CNTLN: variants seen among roughly 807,000 people sequenced by gnomAD.
CNTLN encodes centlein, centrosomal protein.
A neutral mutation model predicts 180.0 loss-of-function variants in CNTLN; 212 were observed. That is an observed-to-expected ratio of 1.18 (90% CI 1.05 to 1.32). CNTLN has a LOEUF of 1.32. Ranked by LOEUF, CNTLN falls within the 40% of genes most tolerant of loss-of-function variation. CNTLN has a pLI of 0.00. For synonymous variants in CNTLN, 722 were observed against 563.1 expected (o/e 1.28, Z -3.99); for missense variants, 2,095 against 1,610.9 (o/e 1.30, Z -5.14).
intron 15 of CNTLN, among the ~76,000 whole-genome samples, chr9:17,398,988 G>A (rs78556236): frequency 0.035 from 5,386 of 152,224 alleles, 162 homozygotes; most frequent in East Asian, 0.17. Context: ...TGAGCCTGGA[G>A]GTAGCACCAG....
At chr9:17,365,787 G>A (rs1292693432) in intron 12 of CNTLN, among the ~76,000 whole-genome samples, 1 of 151,960 alleles carries the variant, frequency 6.6e-6, no homozygotes. Context: ...AACCCTGATT[G>A]TACAAAAAAT....
chr9:17,298,168 A>G (rs1231504381), intron 6 of CNTLN, 22 bp from the exon 7 acceptor site: 3 of 1,412,840 alleles, frequency 2.1e-6, no homozygotes, highest in East Asian at 2.6e-5. Context: ...ACTTTTCTCT[A>G]TTTATTGCTT....
At position 17,226,305 on chromosome 9, in the gene CNTLN, A is replaced by G; in HGVS notation, c.534+18A>G. 1 of 1,355,686 alleles carries G rather than the reference A, an allele frequency of 7.4e-7. No individual in the cohort carries two copies. Among genetic ancestry groups the G allele is most frequent in the South Asian group, 1.4e-5 (1 of 69,230 alleles). 84.0% of individuals were successfully genotyped at this position (1,355,686 alleles called of 1,614,324 possible). A position where few individuals can be genotyped will look rare whatever the true frequency, so the allele number is the denominator to read the frequency against. ...TTGAACAGGTTGGTGTTATAATAAA[A>G]ATATTTAAATTAACTATATTTGTTT... On this transcript the variant is annotated intron_variant, in intron 3 of 25. Coordinates refer to ENST00000380647, the MANE Select transcript of CNTLN (RefSeq NM_017738.4).
chr9:17,383,943 C>T (rs1235520532), intron 13 of CNTLN, among the ~76,000 whole-genome samples: 2 of 152,106 alleles, frequency 1.3e-5, no homozygotes, highest in African/African-American at 4.8e-5. Context: ...CGGCCCGTAA[C>T]ATGAAATTTA....
intron 2 of CNTLN, among the ~76,000 whole-genome samples, chr9:17,207,460 T>C (rs1287433794): frequency 1.3e-5 from 2 of 152,130 alleles, no homozygotes; most frequent in Non-Finnish European, 2.9e-5. Context: ...AGCTTTGTGC[T>C]TGAGACCCAG....
In CNTLN at chr9:17,464,223, TAA is replaced by T. The variant is rs1490218793; in HGVS notation, c.3405-273_3405-272del. Reference sequence around the variant, plus strand: ...TAAATGAAATAGTTCTAAGTTTTCATAAGTGTTATTAATTTTTCTCATTTCTT... The same window carrying T: ...TAAATGAAATAGTTCTAAGTTTTCATGTGTTATTAATTTTTCTCATTTCTT... On this transcript the variant is annotated intron_variant, in intron 20 of 25. Transcript: ENST00000380647. Among the ~76,000 whole-genome samples the T allele has an allele frequency of 3.3e-5, 5 of 151,358 alleles. 1 individual carries two copies. Among genetic ancestry groups the T allele is most frequent in the Non-Finnish European group, 7.4e-5 (5 of 67,528 alleles).
At chr9:17,269,027 G>T (rs977722384) in intron 5 of CNTLN, among the ~76,000 whole-genome samples, 3 of 152,020 alleles carry the variant, frequency 2.0e-5, no homozygotes, top group Non-Finnish European at 4.4e-5. Flanking sequence ...CTAGCGCACG[G>T]TGCGCTGCAC....
At chr9:17,510,235 A>T in the CNTLN span, among the ~76,000 whole-genome samples, 1 of 152,174 alleles carries the variant, frequency 6.6e-6, no homozygotes, top group African/African-American at 2.4e-5. Context: ...GGAATAGGGA[A>T]TAAGTAGTTG....
intron 18 of CNTLN, among the ~76,000 whole-genome samples, chr9:17,429,843 A>G (rs1829311766): frequency 6.6e-6 from 1 of 151,996 alleles, no homozygotes; most frequent in Non-Finnish European, 1.5e-5. Context: ...TTTTTTCAAA[A>G]TTATATTAAA....
At chr9:17,251,890 C>G (rs115216293) in intron 5 of CNTLN, among the ~76,000 whole-genome samples, 3 of 151,792 alleles carry the variant, frequency 2.0e-5, no homozygotes, top group Non-Finnish European at 3.0e-5. Context: ...CATTCCCACT[C>G]TCCCACTTTC....
chr9:17,185,129 T>C (rs1478061652), intron 2 of CNTLN, among the ~76,000 whole-genome samples: 3 of 152,240 alleles, frequency 2.0e-5, no homozygotes, highest in Non-Finnish European at 2.9e-5. Context: ...TTTGGAATTC[T>C]AGAAATGAAA....
At chr9:17,497,761 C>T (rs1833535565) in intron 25 of CNTLN, among the ~76,000 whole-genome samples, 1 of 152,052 alleles carries the variant, frequency 6.6e-6, no homozygotes, top group Non-Finnish European at 1.5e-5. Flanking sequence ...AATTCAGTGC[C>T]AAATTTAAAT....
At position 17,419,772 on chromosome 9, in the gene CNTLN, A is replaced by G. The variant is rs567030808; in HGVS notation, c.3114+3583A>G. The stretch of plus-strand genomic sequence containing the variant: ...ATAAATAAAGCTAAATTTTTATTTA[A>G]TCATTATCTACAGCCCCATCCTCTT... On this transcript the variant is annotated intron_variant, in intron 18 of 25. Transcript: ENST00000380647. Among the ~76,000 whole-genome samples the G allele has an allele frequency of 1.2e-4, 19 of 152,330 alleles. No individual in the cohort carries two copies. In the East Asian group the frequency reaches 3.7e-3, roughly 29 times the overall value.
chr9:17,167,375 A>T (rs1820140883), intron 2 of CNTLN: 1 of 152,364 alleles, frequency 6.6e-6, no homozygotes, highest in African/African-American at 2.4e-5. Flanking sequence ...CTTTCACATG[A>T]GGAATGAGAA....
At chr9:17,295,117 C>G (rs548350084) in intron 6 of CNTLN, among the ~76,000 whole-genome samples, 8 of 151,024 alleles carry the variant, frequency 5.3e-5, no homozygotes, top group Non-Finnish European at 1.2e-4. Flanking sequence ...GCTGGCTGGC[C>G]GCTCTGAGTG....
At chr9:17,300,914 G>T in intron 7 of CNTLN, 1 of 931,396 alleles carries the variant, frequency 1.1e-6, no homozygotes, top group South Asian at 5.0e-5. Context: ...TATCTGCATA[G>T]ATACCATTTT....
intron 2 of CNTLN, among the ~76,000 whole-genome samples, chr9:17,186,045 G>A (rs2131766766): frequency 6.6e-6 from 1 of 152,198 alleles, no homozygotes; most frequent in African/African-American, 2.4e-5. Flanking sequence ...TCCTGCCTTG[G>A]CCTCCCAGAG....
At chr9:17,331,815 A>G (rs994178216) in intron 9 of CNTLN, among the ~76,000 whole-genome samples, 1 of 152,072 alleles carries the variant, frequency 6.6e-6, no homozygotes, top group African/African-American at 2.4e-5. Context: ...AAATGAAAGA[A>G]AACATTCATA....
intron 18 of CNTLN, among the ~76,000 whole-genome samples, chr9:17,418,621 A>G (rs1481656035): frequency 6.6e-6 from 1 of 151,796 alleles, no homozygotes; most frequent in African/African-American, 2.4e-5. Context: ...TAGAATTCCT[A>G]TATGCTCGGT....
Sources: allele counts gnomAD v4.1 joint callset (sites outside exome capture counted in the v4.1 genomes callset), GRCh38; gene constraint gnomAD v4.1.1; transcripts MANE v1.5; gene names NCBI Gene and HGNC (gene_info 2026-07-23, HGNC 2026-07-21).